Variants in APBB2 observed in about 807,000 individuals in gnomAD.
APBB2 encodes the protein Fe65-like 1.
APBB2 carries 38 observed loss-of-function variants against 82.5 expected under a neutral mutation model. The observed-to-expected ratio is 0.46, with a 90% CI of 0.36 to 0.60. APBB2 has a LOEUF of 0.60. Ranked by LOEUF, APBB2 falls within the 20% of genes least tolerant of loss-of-function variation. The pLI, the probability that APBB2 is intolerant of heterozygous loss-of-function variation, is 0.00. For missense variants in APBB2, 772 were observed against 972.3 expected (o/e 0.79, Z 2.74); for synonymous variants, 341 against 368.2 (o/e 0.93, Z 0.85).
chr4:40,844,203 A>G (rs1035162018), intron 12 of APBB2, among the ~76,000 whole-genome samples: 1 of 152,180 alleles, frequency 6.6e-6, no homozygotes, highest in African/African-American at 2.4e-5. Context: ...TACACTGCTT[A>G]CCTTCTCTTT....
chr4:41,161,447 A>T (rs1442781399), intron 1 of APBB2, among the ~76,000 whole-genome samples: 1 of 152,112 alleles, frequency 6.6e-6, no homozygotes, highest in Non-Finnish European at 1.5e-5. Flanking sequence ...CTCTACAAAA[A>T]ATTTCAAAAT....
Position 40,813,747 on chromosome 4 carries a change from G to A in APBB2, c.*2345C>T, listed in dbSNP as rs1744916788. 6.6e-6 allele frequency: 1 copy of A among 152,134 alleles called. No individual in the cohort carries two copies. The highest frequency in any genetic ancestry group is 6.5e-5 in the Admixed American group (1 of 15,274). 9.4% of individuals were successfully genotyped at this position (152,134 alleles called of 1,614,324 possible). ...CTTAAAAAATGAAGAGGGAGTTCTG[G>A]TAGAGATTTCCAATATAAAAGTGGG... On this transcript the variant is annotated 3_prime_UTR_variant, in exon 18 of 18. Transcript: ENST00000508593.
At chr4:41,081,535 TAAATG>T (rs1420923764) in intron 3 of APBB2, among the ~76,000 whole-genome samples, 8 of 152,208 alleles carry the variant, frequency 5.3e-5, no homozygotes, top group African/African-American at 1.9e-4. Context: ...GCTAGAACCA[TAAATG>T]GCTATTTCCA....
intron 5 of APBB2, among the ~76,000 whole-genome samples, chr4:41,026,303 C>T (rs989751053): frequency 2.6e-5 from 4 of 152,108 alleles, no homozygotes; most frequent in Non-Finnish European, 5.9e-5. Context: ...ACCTATGTAA[C>T]AAACCTTCAC....
At chr4:41,146,323 CAA>C (rs35546477) in intron 1 of APBB2, among the ~76,000 whole-genome samples, 814 of 58,324 alleles carry the variant, frequency 0.014, no homozygotes, top group South Asian at 0.036. Flanking sequence ...AAGACTGTCT[CAA>C]AAAAAAAAAA....
chr4:41,148,384 C>T (rs1761363995), intron 1 of APBB2, among the ~76,000 whole-genome samples: 1 of 152,220 alleles, frequency 6.6e-6, no homozygotes, highest in Admixed American at 6.5e-5. Context: ...AACCTCTGTT[C>T]CATCATCTAT....
rs1744688788 is a variant in APBB2 at position 40,812,869 on chromosome 4, C to T, written c.*3223G>A. The T allele has an allele frequency of 6.6e-6, 1 of 152,176 alleles. No individual in the cohort carries two copies. Among genetic ancestry groups the T allele is most frequent in the Non-Finnish European group, 1.5e-5 (1 of 68,048 alleles). 9.4% of individuals were successfully genotyped at this position (152,176 alleles called of 1,614,324 possible). The stretch of plus-strand genomic sequence containing the variant: ...AACAAAAAACAATGGTCCTAATTAG[C>T]TATGAGTGATCTTGTATCCAGGTGG... On this transcript the variant is annotated 3_prime_UTR_variant, in exon 18 of 18. Coordinates refer to ENST00000508593, the MANE Select transcript of APBB2 (RefSeq NM_004307.2).
chr4:40,944,950 C>G lies in APBB2; in HGVS notation c.959G>C (p.Arg320Pro), dbSNP rs750071396. 6.2e-7 allele frequency: 1 copy of G among 1,613,912 alleles called. No homozygotes were observed. The highest frequency in any genetic ancestry group is 1.1e-5 in the South Asian group (1 of 91,062). The stretch of plus-strand genomic sequence containing the variant: ...GAGATCTGCTGGGATGGAGACGGGC[C>G]GTTCCCACTGAGTCGTTCCTGTTGG... ...HIPTGTTQWE[R>P]PVSIPADLQG... is the part of the protein sequence containing the mutation. The change falls in exon 7 of 18, where the codon CGG becomes CCG. Residue 320 changes from arginine (R) to proline (P), a missense_variant. Arg to Pro is a moderately radical substitution (Grantham distance 103, BLOSUM62 -2). Transcript: ENST00000508593.
chr4:41,062,504 G>C (rs1474206205), intron 4 of APBB2, among the ~76,000 whole-genome samples: 2 of 152,054 alleles, frequency 1.3e-5, no homozygotes, highest in African/African-American at 2.4e-5. Flanking sequence ...AGCTACAAAG[G>C]AGTACGCAGA....
chr4:41,095,559 A>T (rs1743200987), intron 3 of APBB2, among the ~76,000 whole-genome samples: 1 of 152,194 alleles, frequency 6.6e-6, no homozygotes, highest in Non-Finnish European at 1.5e-5. Flanking sequence ...ATCTAATCAT[A>T]CCTATTACTT....
intron 10 of APBB2, among the ~76,000 whole-genome samples, chr4:40,924,122 G>A (rs181408292): frequency 8.5e-5 from 13 of 152,260 alleles, no homozygotes; most frequent in Admixed American, 2.6e-4. Flanking sequence ...CTTTCTCTGC[G>A]CCTTCTGCTT....
intron 5 of APBB2, among the ~76,000 whole-genome samples, chr4:41,027,427 CTG>C (rs1714902121): frequency 6.8e-6 from 1 of 146,652 alleles, no homozygotes; most frequent in Admixed American, 6.9e-5. Context: ...AACTCCCAGA[CTG>C]TAGTACAAAG....
At chr4:41,114,425 C>T (rs1047914162) in intron 2 of APBB2, among the ~76,000 whole-genome samples, 1 of 152,072 alleles carries the variant, frequency 6.6e-6, no homozygotes, top group Admixed American at 6.6e-5. Flanking sequence ...ACAAGGATGC[C>T]CTCTCTCATC....
intron 6 of APBB2, among the ~76,000 whole-genome samples, chr4:40,972,210 C>T (rs1796089974): frequency 1.3e-5 from 2 of 152,058 alleles, no homozygotes; most frequent in Admixed American, 1.3e-4. Flanking sequence ...GGGTGGATCA[C>T]AGGGTCAGGA....
chr4:40,826,019 T>G lies in APBB2; in HGVS notation c.1733-49A>C, dbSNP rs1040909918. 1 of 1,412,310 alleles carries G rather than the reference T, an allele frequency of 7.1e-7. No individual in the cohort carries two copies. The highest frequency in any genetic ancestry group is 1.7e-5 in the Admixed American group (1 of 59,788). The allele number at this position is 1,412,310 out of a possible 1,614,324, so 87.5% of individuals were successfully genotyped here. A position where few individuals can be genotyped will look rare whatever the true frequency, so the allele number is the denominator to read the frequency against. On this transcript the variant is annotated intron_variant, in intron 14 of 17. Transcript: ENST00000508593. The surrounding 1 kb of genome is among the most constrained non-coding windows in gnomAD (Gnocchi z 4.5). The stretch of plus-strand genomic sequence containing the variant: ...TCTTTCTCAGTGGTTCCAACACACA[T>G]GTACACAACAGCCGTGGCTCTGCAT...
intron 1 of APBB2, among the ~76,000 whole-genome samples, chr4:41,175,009 A>G (rs79093308): frequency 0.042 from 6,424 of 152,176 alleles, 151 homozygotes; most frequent in Middle Eastern, 0.058. Context: ...TATCATCCAC[A>G]TCCCTCTATA....
chr4:40,945,567 T>C (rs1344384272), intron 6 of APBB2, among the ~76,000 whole-genome samples: 4 of 152,230 alleles, frequency 2.6e-5, no homozygotes, highest in East Asian at 1.9e-4. Flanking sequence ...TCTCATTTGA[T>C]TGGGACACCT....
intron 6 of APBB2, among the ~76,000 whole-genome samples, chr4:40,982,521 A>T (rs1258221957): frequency 6.6e-6 from 1 of 151,378 alleles, no homozygotes; most frequent in Non-Finnish European, 1.5e-5. Context: ...ATGTAGCAAA[A>T]CCCTTAGGAG....
intron 6 of APBB2, chr4:40,990,328 CTCTCTT>C (rs1371871630): frequency 6.6e-6 from 1 of 152,120 alleles, no homozygotes; most frequent in Non-Finnish European, 1.5e-5. Context: ...TTGTCTCTCT[CTCTCTT>C]TCTCTCTCCA....
Sources: gnomAD v4.1 joint callset for allele counts (sites outside exome capture counted in the v4.1 genomes callset) on GRCh38, gnomAD v4.1.1 for gene constraint, Gnocchi (gnomAD v3.1) non-coding constraint, MANE v1.5 for transcripts, NCBI Gene and HGNC (gene_info 2026-07-23, HGNC 2026-07-21) for gene names.